The following NKAIN3 variants were observed in gnomAD, a reference collection of about 807,000 sequenced individuals.
NKAIN3 encodes sodium/potassium transporting ATPase interacting 3.
Under a neutral mutation model 30.2 loss-of-function variants are expected in NKAIN3, and 25 were observed. That is an observed-to-expected ratio of 0.83 (90% confidence interval 0.60 to 1.16). The LOEUF is 1.16. NKAIN3 is among the 50% of genes most tolerant of loss of function. The probability of loss-of-function intolerance (pLI) is 0.00; values close to 1 mark genes in which losing one functional copy is unlikely to be tolerated. For synonymous variants in NKAIN3, 91 were observed against 89.6 expected (o/e 1.02, Z -0.09); for missense variants, 225 against 254.1 (o/e 0.89, Z 0.78).
At chr8:62,560,161 A>G (rs892942655) in intron 1 of NKAIN3, among the ~76,000 whole-genome samples, 3 of 152,116 alleles carry the variant, frequency 2.0e-5, no homozygotes, top group African/African-American at 7.2e-5. Context: ...TCTGCAAGTA[A>G]GCTATTGTCT....
intron 4 of NKAIN3, among the ~76,000 whole-genome samples, chr8:62,836,511 G>A (rs1263465105): frequency 2.6e-5 from 4 of 152,004 alleles, no homozygotes; most frequent in Non-Finnish European, 4.4e-5. Context: ...GCAAATTTCA[G>A]AACTTTTAAA....
chr8:62,692,551 C>A (rs2130446420), intron 3 of NKAIN3, among the ~76,000 whole-genome samples: 1 of 152,244 alleles, frequency 6.6e-6, no homozygotes, highest in South Asian at 2.1e-4. Context: ...GTTGAAGCAA[C>A]CAAGAATTAT....
chr8:62,638,390 A>C (rs1812201396), intron 3 of NKAIN3, among the ~76,000 whole-genome samples: 2 of 152,322 alleles, frequency 1.3e-5, no homozygotes, highest in South Asian at 2.1e-4. Flanking sequence ...CTAGTGTTGC[A>C]GAGCAGTACT....
intron 1 of NKAIN3, among the ~76,000 whole-genome samples, chr8:62,333,970 A>C (rs1316210693): frequency 6.6e-6 from 1 of 152,100 alleles, no homozygotes; most frequent in Non-Finnish European, 1.5e-5. Flanking sequence ...CAGGAAGACC[A>C]GAGGCGCAGA....
chr8:62,512,770 G>A (rs180681565), intron 1 of NKAIN3, among the ~76,000 whole-genome samples: 39 of 152,238 alleles, frequency 2.6e-4, no homozygotes, highest in Non-Finnish European at 4.7e-4. Context: ...GTCTATTTAT[G>A]TGACCACATG....
At chr8:62,763,823 G>A (rs551570150) in intron 4 of NKAIN3, among the ~76,000 whole-genome samples, 3 of 152,352 alleles carry the variant, frequency 2.0e-5, no homozygotes, top group Non-Finnish European at 4.4e-5. Context: ...AGGGGCTTCT[G>A]GCCGATTTCA....
intron 4 of NKAIN3, among the ~76,000 whole-genome samples, chr8:62,853,400 CTT>C (rs1819969747): frequency 6.6e-6 from 1 of 152,134 alleles, no homozygotes; most frequent in Non-Finnish European, 1.5e-5. Flanking sequence ...GATCTTGACT[CTT>C]TATCCAATTT....
At chr8:62,615,530 T>C (rs1202083918) in intron 3 of NKAIN3, among the ~76,000 whole-genome samples, 1 of 152,134 alleles carries the variant, frequency 6.6e-6, no homozygotes, top group African/African-American at 2.4e-5. Flanking sequence ...TGGGCCTAGT[T>C]CAGCACTAGA....
chr8:62,484,750 G>A (rs1333796783), intron 1 of NKAIN3, among the ~76,000 whole-genome samples: 1 of 152,164 alleles, frequency 6.6e-6, no homozygotes, highest in African/African-American at 2.4e-5. Flanking sequence ...GATCCAAGGT[G>A]GGGAACCTGG....
chr8:62,529,255 C>T (rs1256947200), intron 1 of NKAIN3, among the ~76,000 whole-genome samples: 2 of 152,114 alleles, frequency 1.3e-5, no homozygotes, highest in East Asian at 1.9e-4. Context: ...ATTTAAAAGG[C>T]AAAAAGTTAC....
chr8:62,384,627 C>G (rs1173113100), intron 1 of NKAIN3, among the ~76,000 whole-genome samples: 1 of 151,754 alleles, frequency 6.6e-6, no homozygotes, highest in African/African-American at 2.4e-5. Flanking sequence ...CAGATCAAAC[C>G]CATATTGTTC....
chr8:62,264,099 G>A (rs1200866865), intron 1 of NKAIN3, among the ~76,000 whole-genome samples: 1 of 152,090 alleles, frequency 6.6e-6, no homozygotes, highest in Non-Finnish European at 1.5e-5. Context: ...AAGTATTTTC[G>A]AAACTATACA....
chr8:62,316,265 C>T (rs915391970), intron 1 of NKAIN3, among the ~76,000 whole-genome samples: 1 of 151,918 alleles, frequency 6.6e-6, no homozygotes, highest in African/African-American at 2.4e-5. Flanking sequence ...GAAGGAAATG[C>T]TCATTGTAGC....
intron 5 of NKAIN3, among the ~76,000 whole-genome samples, chr8:62,923,674 A>T (rs1460108180): frequency 2.0e-5 from 3 of 152,178 alleles, no homozygotes; most frequent in Admixed American, 2.0e-4. Context: ...CTTGAAAGGG[A>T]TGCACTCACA....
chr8:62,791,702 A>T (rs1453990746), intron 4 of NKAIN3, among the ~76,000 whole-genome samples: 1 of 152,096 alleles, frequency 6.6e-6, no homozygotes, highest in Non-Finnish European at 1.5e-5. Flanking sequence ...GAATTAGCTT[A>T]TTTTAAGGTG....
intron 4 of NKAIN3, among the ~76,000 whole-genome samples, chr8:62,764,298 T>C (rs1435869694): frequency 6.6e-6 from 1 of 152,198 alleles, no homozygotes; most frequent in Non-Finnish European, 1.5e-5. Context: ...AGGTAGGCTT[T>C]ATTATTTCTA....
chr8:62,941,584 G>A (rs565437325), intron 5 of NKAIN3, among the ~76,000 whole-genome samples: 62 of 152,130 alleles, frequency 4.1e-4, no homozygotes, highest in Admixed American at 1.4e-3. Context: ...TTCATACCAG[G>A]GACACAGGGA....
intron 3 of NKAIN3, among the ~76,000 whole-genome samples, chr8:62,674,693 G>C (rs770036571): frequency 3.3e-5 from 5 of 152,174 alleles, no homozygotes; most frequent in Non-Finnish European, 7.4e-5. Flanking sequence ...AGTACCAGGT[G>C]GACAATCAGG....
At chr8:62,417,717 G>T (rs940642769) in intron 1 of NKAIN3, among the ~76,000 whole-genome samples, 1 of 152,036 alleles carries the variant, frequency 6.6e-6, no homozygotes, top group Admixed American at 6.6e-5. Flanking sequence ...TTTCTTTGAC[G>T]ATCAATGATG....
Sources: gnomAD v4.1 joint callset for allele counts (sites outside exome capture counted in the v4.1 genomes callset) on GRCh38, gnomAD v4.1.1 for gene constraint, MANE v1.5 for transcripts, NCBI Gene and HGNC (gene_info 2026-07-23, HGNC 2026-07-21) for gene names.